CHIC1: variants seen among roughly 807,000 people sequenced by gnomAD.
CHIC1 encodes cysteine-rich hydrophobic domain-containing protein 1.
Under a neutral mutation model 18.5 loss-of-function variants are expected in CHIC1, and 7 were observed. The observed-to-expected ratio is 0.38, with a 90% CI of 0.22 to 0.71. The LOEUF is 0.71. CHIC1 is among the 30% of genes least tolerant of loss of function. CHIC1 has a pLI of 0.49. For synonymous variants in CHIC1, 77 were observed against 73.5 expected (o/e 1.05, Z -0.25); for missense variants, 159 against 176.9 (o/e 0.90, Z 0.57).
At chrX:73,677,397 G>C (rs778053611) in intron 3 of CHIC1, among the ~76,000 whole-genome samples, 7 of 111,840 alleles carry the variant, frequency 6.3e-5, no homozygotes, top group Non-Finnish European at 1.3e-4. Flanking sequence ...CAAGCTTCCC[G>C]GCTGCTTTGT....
intron 3 of CHIC1, among the ~76,000 whole-genome samples, chrX:73,588,705 C>T (rs2057565470): frequency 9.0e-6 from 1 of 110,567 alleles, no homozygotes. Context: ...ACTATCTGAT[C>T]TTGAGTTTTT....
intron 3 of CHIC1, among the ~76,000 whole-genome samples, chrX:73,627,701 C>T (rs1448487301): frequency 9.0e-6 from 1 of 111,633 alleles, no homozygotes; most frequent in African/African-American, 3.3e-5. Flanking sequence ...CCCTTCAGGG[C>T]AGTGTGCTCT....
At chrX:73,601,820 C>T (rs967334916) in intron 3 of CHIC1, among the ~76,000 whole-genome samples, 8 of 105,839 alleles carry the variant, frequency 7.6e-5, no homozygotes, top group African/African-American at 3.0e-4. Context: ...GCTAGCCAGA[C>T]TAATAAAAAA....
chrX:73,604,457 T>C (rs754773438), intron 3 of CHIC1, among the ~76,000 whole-genome samples: 2 of 108,676 alleles, frequency 1.8e-5, no homozygotes, highest in East Asian at 2.8e-4. Context: ...AAAAAACCAG[T>C]TCCTGGATTC....
intron 3 of CHIC1, among the ~76,000 whole-genome samples, chrX:73,624,201 G>A (rs748752628): frequency 9.0e-6 from 1 of 110,999 alleles, no homozygotes; most frequent in Non-Finnish European, 1.9e-5. Context: ...AAAGAGCCAT[G>A]TATTTTTTCA....
At chrX:73,671,636 C>A (rs902086713) in intron 3 of CHIC1, among the ~76,000 whole-genome samples, 1 of 110,604 alleles carries the variant, frequency 9.0e-6, no homozygotes, top group Non-Finnish European at 1.9e-5. Context: ...TTAATGATAT[C>A]TTTGTTGGAT....
chrX:73,628,593 C>T (rs2057793890), intron 3 of CHIC1, among the ~76,000 whole-genome samples: 1 of 111,444 alleles, frequency 9.0e-6, no homozygotes, highest in Non-Finnish European at 1.9e-5. Flanking sequence ...TTCAGTGCCT[C>T]ACACTTGCTG....
Position 73,672,279 on chromosome X carries a change from T to C in CHIC1, c.508-7047T>C, listed in dbSNP as rs181028086. On this transcript the variant is annotated intron_variant, in intron 3 of 5. Transcript: ENST00000373502. Reference sequence around the variant, plus strand: ...CATGATTTATAATCCTTTGGGTATATACCCAGTAATGGGAAGGCTGGGTCA... The same window carrying C: ...CATGATTTATAATCCTTTGGGTATACACCCAGTAATGGGAAGGCTGGGTCA... 4.0e-3 allele frequency among the ~76,000 whole-genome samples: 451 copies of C among 111,957 alleles called. 5 individuals are homozygous for C. Among genetic ancestry groups the C allele is most frequent in the African/African-American group, 0.014 (432 of 30,789 alleles).
At chrX:73,573,010 C>T (rs1277406059) in intron 1 of CHIC1, among the ~76,000 whole-genome samples, 3 of 111,041 alleles carry the variant, frequency 2.7e-5, no homozygotes, top group African/African-American at 9.8e-5. Context: ...AGTCATGAAT[C>T]CTTTGCCAAG....
At chrX:73,568,587 G>A (rs2057455821) in intron 1 of CHIC1, among the ~76,000 whole-genome samples, 1 of 111,121 alleles carries the variant, frequency 9.0e-6, no homozygotes, top group South Asian at 3.7e-4. Context: ...TGGATCTAAT[G>A]TATTGAAATA....
rs916662058 is a variant in CHIC1, at chrX:73,618,732, G to T, written c.507+34160G>T. 6.2e-5 allele frequency among the ~76,000 whole-genome samples: 7 copies of T among 112,248 alleles called. No homozygotes were observed. In the East Asian group the frequency reaches 2.0e-3, roughly 32 times the overall value. ...CTGCGAAAGCAAGCAGGGCTTTCAGGTTTTATTCCTCCCCGCCTGCTGTGG... is the reference window on the plus strand; with the variant it reads ...CTGCGAAAGCAAGCAGGGCTTTCAGTTTTTATTCCTCCCCGCCTGCTGTGG... On this transcript the variant is annotated intron_variant, in intron 3 of 5. Coordinates refer to ENST00000373502, the MANE Select transcript of CHIC1 (RefSeq NM_001039840.4).
intron 2 of CHIC1, among the ~76,000 whole-genome samples, chrX:73,581,906 A>G (rs1172155185): frequency 9.0e-6 from 1 of 110,817 alleles, no homozygotes; most frequent in Non-Finnish European, 1.9e-5. Flanking sequence ...CAAATTTTAT[A>G]TACCTCAACA....
At chrX:73,620,127 C>G (rs1242717459) in intron 3 of CHIC1, among the ~76,000 whole-genome samples, 1 of 112,073 alleles carries the variant, frequency 8.9e-6, no homozygotes, top group Non-Finnish European at 1.9e-5. Flanking sequence ...TGGGTGGGTT[C>G]CAAGTCTTTG....
At chrX:73,642,757 G>A (rs1244544634) in intron 3 of CHIC1, among the ~76,000 whole-genome samples, 1 of 110,161 alleles carries the variant, frequency 9.1e-6, no homozygotes, top group Non-Finnish European at 1.9e-5. Flanking sequence ...AGTTTTCCCA[G>A]CACCATTTAT....
chrX:73,586,868 CTT>C (rs1190956995), intron 3 of CHIC1, among the ~76,000 whole-genome samples: 1 of 111,921 alleles, frequency 8.9e-6, no homozygotes, highest in Admixed American at 9.5e-5. Context: ...GGATAGAAAA[CTT>C]TTTCTTAAAG....
At position 73,685,424 on chromosome X, in the gene CHIC1, G is replaced by A. The variant is rs1247493140; in HGVS notation, c.*4419G>A. 8.9e-6 allele frequency: 1 copy of A among 111,751 alleles called. No homozygotes were observed. The highest frequency in any genetic ancestry group is 3.2e-5 in the African/African-American group (1 of 30,778). 9.2% of individuals were successfully genotyped at this position (111,751 alleles called of 1,213,427 possible). ...TTGGAGGACCCACTTTGGCATTTATGTAAAGATTTCATATCCTATCCAACA... is the reference window on the plus strand; with the variant it reads ...TTGGAGGACCCACTTTGGCATTTATATAAAGATTTCATATCCTATCCAACA... On this transcript the variant is annotated 3_prime_UTR_variant, in exon 6 of 6. Transcript: ENST00000373502.
intron 3 of CHIC1, among the ~76,000 whole-genome samples, chrX:73,673,546 G>C (rs1459964078): frequency 9.0e-6 from 1 of 111,637 alleles, no homozygotes; most frequent in Non-Finnish European, 1.9e-5. Context: ...TTGGCTCTCT[G>C]TTTGTCTATT....
chrX:73,621,785 G>A (rs781776277), intron 3 of CHIC1, among the ~76,000 whole-genome samples: 1 of 111,996 alleles, frequency 8.9e-6, no homozygotes, highest in East Asian at 2.8e-4. Flanking sequence ...GTTTTCAAAG[G>A]GAATGCTTCC....
Position 73,563,244 on chromosome X carries a change from A to C in CHIC1, c.-41A>C. ...TCTTGCAGCACCTCGGCAGGTTCAA[A>C]CTCTTCTCCGGGAGCGTGGCGGCGA... On this transcript the variant is annotated 5_prime_UTR_variant, in exon 1 of 6. Transcript: ENST00000373502. 1.9e-6 allele frequency: 2 copies of C among 1,079,082 alleles called. No individual in the cohort carries two copies. The highest frequency in any genetic ancestry group is 1.9e-5 in the African/African-American group (1 of 51,982). The allele number at this position is 1,079,082 out of a possible 1,213,427, so 88.9% of individuals were successfully genotyped here.
Sources: allele counts gnomAD v4.1 joint callset (sites outside exome capture counted in the v4.1 genomes callset), GRCh38; gene constraint gnomAD v4.1.1; transcripts MANE v1.5; gene names NCBI Gene and HGNC (gene_info 2026-07-23, HGNC 2026-07-21).